TULP4: variants seen among roughly 807,000 people sequenced by gnomAD.
TULP4 encodes the protein tubby-related protein 4.
TULP4 carries 16 observed loss-of-function variants against 129.0 expected under a neutral mutation model. The ratio of observed to expected loss-of-function variants is 0.12; its 90% CI spans 0.08 to 0.19. The LOEUF (loss-of-function observed/expected upper bound fraction) is 0.19, where lower values mean the gene tolerates loss of function less well. TULP4 is among the 10% of genes least tolerant of loss of function. TULP4 has a pLI of 1.00. For synonymous variants in TULP4, 998 were observed against 854.0 expected (o/e 1.17, Z -2.94); for missense variants, 1,842 against 2,059.1 (o/e 0.89, Z 2.04).
chr6:158,488,232 C>T (rs1049374220), intron 8 of TULP4, among the ~76,000 whole-genome samples: 4 of 152,086 alleles, frequency 2.6e-5, no homozygotes, highest in Admixed American at 1.3e-4. Context: ...TTCCTCAAGT[C>T]GAATCACACA....
intron 1 of TULP4, among the ~76,000 whole-genome samples, chr6:158,321,118 A>C (rs1779618385): frequency 6.6e-6 from 1 of 151,950 alleles, no homozygotes; most frequent in African/African-American, 2.4e-5. Context: ...TACTGAAATG[A>C]ACTCCTCAAT....
intron 1 of TULP4, among the ~76,000 whole-genome samples, chr6:158,336,435 T>A (rs1265174506): frequency 2.0e-5 from 3 of 152,318 alleles, no homozygotes; most frequent in Admixed American, 2.0e-4. Flanking sequence ...CTTTTTTTTA[T>A]CTAGTCAAAT....
chr6:158,457,826 C>T (rs1779327867), intron 5 of TULP4, among the ~76,000 whole-genome samples: 1 of 152,146 alleles, frequency 6.6e-6, no homozygotes, highest in Non-Finnish European at 1.5e-5. Flanking sequence ...TTGATGCCAT[C>T]TGCTCCTGTG....
At chr6:158,331,263 C>G (rs568682113) in intron 1 of TULP4, among the ~76,000 whole-genome samples, 9 of 152,298 alleles carry the variant, frequency 5.9e-5, no homozygotes, top group African/African-American at 2.2e-4. Context: ...TTCCACTACT[C>G]CCTCCATGAG....
At chr6:158,266,039 A>G (rs1011916014) in intron 1 of TULP4, among the ~76,000 whole-genome samples, 3 of 152,178 alleles carry the variant, frequency 2.0e-5, no homozygotes, top group Non-Finnish European at 4.4e-5. Flanking sequence ...GTACATTTGT[A>G]AAAGGGGGAA....
intron 1 of TULP4, among the ~76,000 whole-genome samples, chr6:158,334,487 G>C (rs1395127400): frequency 6.6e-6 from 1 of 152,128 alleles, no homozygotes; most frequent in Non-Finnish European, 1.5e-5. Context: ...TTAATTTACT[G>C]TTTATGTTAT....
intron 3 of TULP4, among the ~76,000 whole-genome samples, chr6:158,432,054 T>C (rs1176898054): frequency 7.7e-5 from 11 of 143,190 alleles, no homozygotes; most frequent in Admixed American, 7.1e-4. Context: ...AGCCCAGGAG[T>C]TCTCGAGACC....
chr6:158,249,102 A>AAG (rs1350423185), intron 1 of TULP4, among the ~76,000 whole-genome samples: 2 of 151,682 alleles, frequency 1.3e-5, no homozygotes, highest in Non-Finnish European at 2.9e-5. Flanking sequence ...AAAAAAAAAA[A>AAG]AAAGAAAAAA....
Position 158,510,160 on chromosome 6 carries a change from T to A in TULP4, c.*3466T>A, listed in dbSNP as rs944504573. On this transcript the variant is annotated 3_prime_UTR_variant, in exon 14 of 14. Coordinates refer to ENST00000367097, the MANE Select transcript of TULP4 (RefSeq NM_020245.5). ...CAATATACCCATTGAATGTATATCCTGAGAAAAATTGGGGCCAAAGAAGCA... is the reference window on the plus strand; with the variant it reads ...CAATATACCCATTGAATGTATATCCAGAGAAAAATTGGGGCCAAAGAAGCA... The A allele has an allele frequency of 6.6e-6, 1 of 152,620 alleles. No homozygotes were observed. Among genetic ancestry groups the A allele is most frequent in the African/African-American group, 2.4e-5 (1 of 41,446 alleles). 9.5% of individuals were successfully genotyped at this position (152,620 alleles called of 1,614,324 possible).
In TULP4 at chr6:158,313,373, C is replaced by G. The variant is rs1359783311; in HGVS notation, c.-644C>G. On this transcript the variant is annotated 5_prime_UTR_variant, in exon 1 of 14. Transcript: ENST00000367097. The stretch of plus-strand genomic sequence containing the variant: ...ATTTGGACTCTTGTCTGCACAAACT[C>G]TGGTCTGTTTTGCACGGTTTGTGTG... 7.5e-6 allele frequency: 3 copies of G among 397,894 alleles called. No individual in the cohort carries two copies. The highest frequency in any genetic ancestry group is 4.4e-5 in the Admixed American group (1 of 22,712). The allele number at this position is 397,894 out of a possible 1,614,324, so 24.6% of individuals were successfully genotyped here.
At chr6:158,333,770 C>G (rs180765073) in intron 1 of TULP4, among the ~76,000 whole-genome samples, 1 of 152,260 alleles carries the variant, frequency 6.6e-6, no homozygotes, top group Non-Finnish European at 1.5e-5. Context: ...AGGTACTGTT[C>G]TATTTTGTCA....
At chr6:158,255,505 C>G (rs908422240) in intron 1 of TULP4, among the ~76,000 whole-genome samples, 2 of 152,252 alleles carry the variant, frequency 1.3e-5, no homozygotes, top group Admixed American at 6.5e-5. Context: ...AGTGGGAGGT[C>G]TGTCCAGAGG....
At chr6:158,463,660 A>ATG (rs1260967460) in intron 6 of TULP4, among the ~76,000 whole-genome samples, 1 of 146,590 alleles carries the variant, frequency 6.8e-6, no homozygotes, top group Non-Finnish European at 1.5e-5. Context: ...ATATATATAT[A>ATG]TATATATAAA....
intron 3 of TULP4, among the ~76,000 whole-genome samples, chr6:158,445,862 AC>A (rs1422963442): frequency 6.6e-6 from 1 of 152,182 alleles, no homozygotes; most frequent in Non-Finnish European, 1.5e-5. Flanking sequence ...GGGGCTCAGG[AC>A]AGAGGCCTGG....
chr6:158,384,121 A>G (rs1777385952), intron 1 of TULP4, among the ~76,000 whole-genome samples: 2 of 152,104 alleles, frequency 1.3e-5, no homozygotes, highest in Non-Finnish European at 2.9e-5. Context: ...TTACAGTAAT[A>G]TTTTGTTTCT....
At chr6:158,500,354 T>G (rs1780416706) in intron 12 of TULP4, among the ~76,000 whole-genome samples, 2 of 152,146 alleles carry the variant, frequency 1.3e-5, no homozygotes, top group African/African-American at 4.8e-5. Flanking sequence ...CAAATTTGTG[T>G]GGCCAGGGGA....
At chr6:158,318,796 G>A (rs899056711) in intron 1 of TULP4, among the ~76,000 whole-genome samples, 3 of 151,662 alleles carry the variant, frequency 2.0e-5, no homozygotes, top group East Asian at 1.9e-4. Flanking sequence ...CACAATCACC[G>A]CTCACCGTAG....
At chr6:158,395,984 G>T (rs1353819828) in intron 1 of TULP4, among the ~76,000 whole-genome samples, 3 of 152,082 alleles carry the variant, frequency 2.0e-5, no homozygotes, top group Non-Finnish European at 4.4e-5. Flanking sequence ...TAATGCTAAG[G>T]GCCATGAGCT....
At chr6:158,405,256 A>T (rs1403241103) in intron 1 of TULP4, among the ~76,000 whole-genome samples, 1 of 152,262 alleles carries the variant, frequency 6.6e-6, no homozygotes, top group Admixed American at 6.5e-5. Context: ...GGAAAAGTTT[A>T]AAAATCATTT....
Sources: gnomAD v4.1 joint callset for allele counts (sites outside exome capture counted in the v4.1 genomes callset) on GRCh38, gnomAD v4.1.1 for gene constraint, MANE v1.5 for transcripts, NCBI Gene and HGNC (gene_info 2026-07-23, HGNC 2026-07-21) for gene names.